The following GRID1 variants were observed in gnomAD, a reference collection of about 807,000 sequenced individuals.
GRID1 encodes glutamate ionotropic receptor delta type subunit 1, also known as glutamate receptor ionotropic, delta-1.
Under a neutral mutation model 98.0 loss-of-function variants are expected in GRID1, and 28 were observed. That is an observed-to-expected ratio of 0.29 (90% confidence interval 0.21 to 0.39). GRID1 has a LOEUF of 0.39. Ranked by LOEUF, GRID1 falls within the 10% of genes least tolerant of loss-of-function variation. The pLI is 1.00. For missense variants in GRID1, 1,111 were observed against 1,340.5 expected, an observed-to-expected ratio of 0.83 and a Z score of 2.67; for synonymous variants, 553 against 538.5, an observed-to-expected ratio of 1.03 and a Z score of -0.37.
Position 85,835,980 on chromosome 10 carries a change from A to G in GRID1, c.1233+18516T>C, listed in dbSNP as rs563692529. Among the ~76,000 whole-genome samples the G allele has an allele frequency of 2.4e-4, 37 of 152,340 alleles. 1 individual carries two copies. The Middle Eastern group carries it at 0.017, about 71-fold the overall frequency. ...CAAAGGAAATTCTTAGAAAATATAT[A>G]GAACTGAATATAAATGAAATGCAAC... is the stretch of plus-strand genomic sequence containing the variant. On this transcript the variant is annotated intron_variant, in intron 8 of 15. Transcript: ENST00000327946.
chr10:86,213,803 G>A (rs913993309), intron 2 of GRID1, among the ~76,000 whole-genome samples: 5 of 151,636 alleles, frequency 3.3e-5, no homozygotes, highest in African/African-American at 9.8e-5. Flanking sequence ...CAAACTTGAT[G>A]CATCAACACT....
intron 5 of GRID1, among the ~76,000 whole-genome samples, chr10:85,875,125 G>A (rs538092163): frequency 3.8e-4 from 58 of 152,200 alleles, no homozygotes; most frequent in African/African-American, 1.3e-3. Flanking sequence ...TGATCCACTC[G>A]CCTCGGCCTC....
intron 12 of GRID1, among the ~76,000 whole-genome samples, chr10:85,663,018 TCTC>T (rs1840983162): frequency 6.6e-6 from 1 of 152,106 alleles, no homozygotes; most frequent in South Asian, 2.1e-4. Flanking sequence ...ATGGAACAGT[TCTC>T]CTTCCTAAAC....
intron 5 of GRID1, among the ~76,000 whole-genome samples, chr10:85,893,835 A>T (rs1841240345): frequency 1.3e-5 from 2 of 152,184 alleles, no homozygotes; most frequent in African/African-American, 4.8e-5. Context: ...TTTTCTAGAA[A>T]CTGACAAGTT....
chr10:85,802,809 A>G (rs1252854718), intron 8 of GRID1, among the ~76,000 whole-genome samples: 2 of 149,104 alleles, frequency 1.3e-5, no homozygotes, highest in Admixed American at 6.8e-5. Flanking sequence ...CTGCAATCTC[A>G]CCAGAACTCC....
intron 12 of GRID1, among the ~76,000 whole-genome samples, chr10:85,672,219 A>G (rs1221123209): frequency 1.3e-5 from 2 of 152,236 alleles, no homozygotes; most frequent in Non-Finnish European, 2.9e-5. Flanking sequence ...CTTGTTAGAA[A>G]CTAGTGCAGC....
At chr10:85,817,653 G>A (rs2131748208) in intron 8 of GRID1, among the ~76,000 whole-genome samples, 1 of 152,208 alleles carries the variant, frequency 6.6e-6, no homozygotes, top group East Asian at 1.9e-4. Context: ...CAGCACTTTG[G>A]GAGGCCGAGG....
At chr10:86,336,142 GGTTGCTCTCCT>G (rs1848217866) in intron 2 of GRID1, among the ~76,000 whole-genome samples, 1 of 152,246 alleles carries the variant, frequency 6.6e-6, no homozygotes, top group Non-Finnish European at 1.5e-5. Context: ...GACAACTCCA[GGTTGCTCTCCT>G]AGGAGTCTGA....
intron 4 of GRID1, among the ~76,000 whole-genome samples, chr10:85,953,393 C>T (rs778531807): frequency 1.4e-4 from 21 of 152,048 alleles, no homozygotes; most frequent in Non-Finnish European, 3.1e-4. Context: ...GGGAGAGGAT[C>T]AGGAAAAATA....
chr10:85,708,054 G>T (rs1841540645), intron 12 of GRID1, among the ~76,000 whole-genome samples: 1 of 150,658 alleles, frequency 6.6e-6, no homozygotes, highest in African/African-American at 2.4e-5. Context: ...CATGGCACAT[G>T]TGTATATATA....
chr10:85,821,539 A>AAAAAGAAAACAAAC lies in GRID1; in HGVS notation c.1233+32956_1233+32957insGTTTGTTTTCTTTT, dbSNP rs1554833470. 2.0e-5 allele frequency among the ~76,000 whole-genome samples: 2 copies of AAAAAGAAAACAAAC among 97,594 alleles called. 1 individual carries two copies. The highest frequency in any genetic ancestry group is 2.1e-4 in the Admixed American group (2 of 9,454). 64.0% of individuals were successfully genotyped at this position (97,594 alleles called of 152,430 possible). A position where few individuals can be genotyped will look rare whatever the true frequency, so the allele number is the denominator to read the frequency against. On this transcript the variant is annotated intron_variant, in intron 8 of 15. Coordinates refer to ENST00000327946, the MANE Select transcript of GRID1 (RefSeq NM_017551.3). ...CTCAAAAAAAAAAAAAAAAAAAAAAAAAAAAAGAAAACAGATCAATAGTTG... is the reference window on the plus strand; with the variant it reads ...CTCAAAAAAAAAAAAAAAAAAAAAAAAAAAGAAAACAAACAAAAAAGAAAACAGATCAATAGTTG...
chr10:85,931,710 A>G lies in GRID1; in HGVS notation c.727-15471T>C, dbSNP rs547337112. Among the ~76,000 whole-genome samples the G allele has an allele frequency of 5.9e-5, 9 of 152,286 alleles. No individual in the cohort carries two copies. The South Asian group carries it at 1.7e-3, about 28-fold the overall frequency. On this transcript the variant is annotated intron_variant, in intron 4 of 15. Coordinates refer to ENST00000327946, the MANE Select transcript of GRID1 (RefSeq NM_017551.3). ...TTAGTTTGTCCTGGATCCCTTTGGT[A>G]TCCCTTTGTGTTGTACTCTCTGTTT...
chr10:85,773,305 G>T (rs929688274), intron 8 of GRID1, among the ~76,000 whole-genome samples: 5 of 152,078 alleles, frequency 3.3e-5, no homozygotes, highest in African/African-American at 1.2e-4. Context: ...AATAAATTAG[G>T]TATTGATGGG....
At chr10:86,128,906 C>T (rs149992260) in intron 4 of GRID1, among the ~76,000 whole-genome samples, 65 of 152,334 alleles carry the variant, frequency 4.3e-4, no homozygotes, top group Non-Finnish European at 8.2e-4. Flanking sequence ...AAAGCCTACA[C>T]CCCAAAATAC....
chr10:86,001,581 T>C (rs1009116622), intron 4 of GRID1, among the ~76,000 whole-genome samples: 1 of 152,202 alleles, frequency 6.6e-6, no homozygotes, highest in Non-Finnish European at 1.5e-5. Context: ...AAAGATTTCC[T>C]GAAGGAATTT....
At chr10:86,356,192 C>A (rs992147155) in intron 2 of GRID1, among the ~76,000 whole-genome samples, 11 of 152,164 alleles carry the variant, frequency 7.2e-5, no homozygotes, top group African/African-American at 2.7e-4. Flanking sequence ...GGAAGGGCTG[C>A]CCAGAGGTCT....
chr10:85,602,560 C>T lies in GRID1; in HGVS notation c.2743G>A (p.Glu915Lys), dbSNP rs759722132. The change falls in exon 16 of 16, where the codon GAG becomes AAG. Residue 915 changes from glutamate (E) to lysine (K), a missense_variant. Physicochemically the swap from Glu to Lys is moderately conservative, Grantham distance 56. This residue lies in a region of GRID1 where 762 missense variants were observed against 869.1 expected (regional missense o/e 0.88). Transcript: ENST00000327946. Reference sequence around the variant, plus strand: ...GTGTTCTGGTACTCCCGTGTCGGCTCCAAGGTCTGGGTGGGAGCCAGGCCC... The same window carrying T: ...GTGTTCTGGTACTCCCGTGTCGGCTTCAAGGTCTGGGTGGGAGCCAGGCCC... Reference protein sequence around the residue: ...MGGLAPTQTLEPTREYQNTQL... With the variant: ...MGGLAPTQTLKPTREYQNTQL... The T allele has an allele frequency of 2.5e-6, 4 of 1,613,968 alleles. No individual in the cohort carries two copies. Among genetic ancestry groups the T allele is most frequent in the Non-Finnish European group, 3.4e-6 (4 of 1,180,026 alleles).
At chr10:85,682,888 GC>G (rs1006778172) in intron 12 of GRID1, among the ~76,000 whole-genome samples, 2 of 152,176 alleles carry the variant, frequency 1.3e-5, no homozygotes, top group African/African-American at 2.4e-5. Context: ...AAGAAGATTC[GC>G]CTTCTGGCAT....
At chr10:85,914,955 G>A (rs1589297215) in intron 5 of GRID1, among the ~76,000 whole-genome samples, 1 of 152,280 alleles carries the variant, frequency 6.6e-6, no homozygotes, top group South Asian at 2.1e-4. Context: ...TGTGGGCAGA[G>A]GGGATTCTTT....
Sources: allele counts gnomAD v4.1 joint callset (sites outside exome capture counted in the v4.1 genomes callset), GRCh38; gene constraint gnomAD v4.1.1; regional missense constraint gnomAD v4.1.1; transcripts MANE v1.5; gene names NCBI Gene and HGNC (gene_info 2026-07-23, HGNC 2026-07-21).